SHANK2: variants seen among roughly 807,000 people sequenced by gnomAD.
SHANK2 encodes SH3 and multiple ankyrin repeat domains 2.
Under a neutral mutation model 133.7 loss-of-function variants are expected in SHANK2, and 43 were observed. The ratio of observed to expected loss-of-function variants is 0.32; its 90% CI spans 0.25 to 0.41. The LOEUF (loss-of-function observed/expected upper bound fraction) is 0.41. SHANK2 is among the 10% of genes least tolerant of loss of function. The pLI, the probability that SHANK2 is intolerant of heterozygous loss-of-function variation, is 1.00. For missense variants in SHANK2, 1,994 were observed against 2,235.8 expected (o/e 0.89, Z 2.18); for synonymous variants, 1,017 against 952.8 (o/e 1.07, Z -1.24).
At chr11:70,712,477 G>A (rs1945809963) in intron 14 of SHANK2, among the ~76,000 whole-genome samples, 1 of 152,190 alleles carries the variant, frequency 6.6e-6, no homozygotes, top group Non-Finnish European at 1.5e-5. Context: ...GCTGTGCTCT[G>A]AAAACTGTTT....
At chr11:70,744,861 G>A (rs1555035633) in intron 14 of SHANK2, among the ~76,000 whole-genome samples, 1 of 152,194 alleles carries the variant, frequency 6.6e-6, no homozygotes, top group East Asian at 1.9e-4. Flanking sequence ...GCCACCTCTT[G>A]AGCGATAAGC....
intron 14 of SHANK2, among the ~76,000 whole-genome samples, chr11:70,709,653 G>A (rs1373065072): frequency 1.3e-5 from 2 of 152,252 alleles, no homozygotes; most frequent in African/African-American, 4.8e-5. Flanking sequence ...CTGAGGCAGA[G>A]CATAGTTAAG....
At chr11:70,497,994 C>T (rs1345097635) in intron 21 of SHANK2, among the ~76,000 whole-genome samples, 2 of 152,268 alleles carry the variant, frequency 1.3e-5, no homozygotes, top group Admixed American at 1.3e-4. Flanking sequence ...GTTGACTCTT[C>T]AGAACCTTCT....
chr11:70,598,108 G>T (rs1794423167), intron 17 of SHANK2, among the ~76,000 whole-genome samples: 1 of 152,226 alleles, frequency 6.6e-6, no homozygotes, highest in South Asian at 2.1e-4. Context: ...GCCATGCGCT[G>T]GAGTCCAGAG....
chr11:70,610,162 C>A (rs1314117345), intron 17 of SHANK2, among the ~76,000 whole-genome samples: 1 of 151,604 alleles, frequency 6.6e-6, no homozygotes, highest in Non-Finnish European at 1.5e-5. Context: ...TGAATTATTC[C>A]CCCTTTAAAT....
intron 1 of SHANK2, among the ~76,000 whole-genome samples, chr11:71,229,215 G>A (rs1555122648): frequency 1.5e-4 from 23 of 152,188 alleles, no homozygotes; most frequent in Non-Finnish European, 1.5e-5. Context: ...ACATAGAGCT[G>A]GATGTTCTAG....
chr11:70,876,611 G>A (rs200602624), intron 11 of SHANK2, among the ~76,000 whole-genome samples: 47 of 132,818 alleles, frequency 3.5e-4, no homozygotes, highest in Non-Finnish European at 5.2e-4. Context: ...ACACACACAC[G>A]CACACACACA....
chr11:70,489,407 C>T (rs982272615), intron 23 of SHANK2, 59 bp from the exon 24 acceptor site: 8 of 1,580,148 alleles, frequency 5.1e-6, no homozygotes, highest in Non-Finnish European at 7.0e-6. Flanking sequence ...ACGCAGCTTT[C>T]CCTGAGTTTG....
At chr11:71,079,485 G>C (rs1169749684) in intron 8 of SHANK2, among the ~76,000 whole-genome samples, 1 of 152,178 alleles carries the variant, frequency 6.6e-6, no homozygotes, top group African/African-American at 2.4e-5. Flanking sequence ...AATAGGCCAG[G>C]TGTGGTGGCT....
At chr11:71,099,050 A>T (rs1951674915) in intron 6 of SHANK2, among the ~76,000 whole-genome samples, 1 of 152,112 alleles carries the variant, frequency 6.6e-6, no homozygotes, top group Non-Finnish European at 1.5e-5. Context: ...CTTCCTCCTC[A>T]CACCCACAGC....
intron 11 of SHANK2, among the ~76,000 whole-genome samples, chr11:70,881,429 A>G (rs1439795798): frequency 1.3e-5 from 2 of 151,908 alleles, no homozygotes; most frequent in Non-Finnish European, 2.9e-5. Flanking sequence ...ACAATGGCTA[A>G]TGGGGTTGGT....
chr11:70,493,170 TTTG>T (rs2058920456), intron 21 of SHANK2, among the ~76,000 whole-genome samples: 1 of 151,326 alleles, frequency 6.6e-6, no homozygotes. Flanking sequence ...AGTTTTTTTT[TTTG>T]TTTGTTTTTG....
chr11:71,116,296 C>T (rs1480002751), intron 4 of SHANK2, among the ~76,000 whole-genome samples: 2 of 152,212 alleles, frequency 1.3e-5, no homozygotes. Context: ...TGAGTGCAAT[C>T]GCTGAATGAT....
intron 24 of SHANK2, among the ~76,000 whole-genome samples, chr11:70,488,857 G>T (rs753109445): frequency 6.6e-5 from 10 of 152,242 alleles, no homozygotes; most frequent in Admixed American, 6.5e-5. Flanking sequence ...ACGACAGCCA[G>T]CAGGGTGGCC....
chr11:71,171,051 C>T (rs1053237667), intron 2 of SHANK2, among the ~76,000 whole-genome samples: 9 of 152,186 alleles, frequency 5.9e-5, no homozygotes, highest in Non-Finnish European at 7.3e-5. Context: ...GGCTCGTAGA[C>T]GGCCAACTTC....
chr11:71,088,146 G>T lies in SHANK2; in HGVS notation c.912+4276C>A, dbSNP rs1042012940. Among the ~76,000 whole-genome samples the T allele has an allele frequency of 3.0e-4, 45 of 152,238 alleles. No individual in the cohort carries two copies. The East Asian group carries it at 7.3e-3, about 25-fold the overall frequency. On this transcript the variant is annotated intron_variant, in intron 8 of 25. Transcript: ENST00000601538. ...AGGCCTCAAGAGAAAAAAGACTGAGGTCCCCTGAGGAGGAAGAGATTCTGC... is the reference window on the plus strand; with the variant it reads ...AGGCCTCAAGAGAAAAAAGACTGAGTTCCCCTGAGGAGGAAGAGATTCTGC...
At chr11:70,902,058 G>A (rs537298610) in intron 10 of SHANK2, among the ~76,000 whole-genome samples, 6 of 152,324 alleles carry the variant, frequency 3.9e-5, no homozygotes, top group South Asian at 2.1e-4. Flanking sequence ...TCCATGGCCC[G>A]GGGCCCGGCT....
intron 11 of SHANK2, among the ~76,000 whole-genome samples, chr11:70,848,949 G>A (rs1949041692): frequency 6.6e-6 from 1 of 152,190 alleles, no homozygotes; most frequent in Non-Finnish European, 1.5e-5. Flanking sequence ...GGGCCTCTGA[G>A]TGGGTGAAGG....
intron 25 of SHANK2, among the ~76,000 whole-genome samples, chr11:70,478,921 C>T (rs2058698403): frequency 6.6e-6 from 1 of 152,198 alleles, no homozygotes; most frequent in Non-Finnish European, 1.5e-5. Context: ...GGTCTTCAGG[C>T]CAGGAGGTTC....
Sources: allele counts gnomAD v4.1 joint callset (sites outside exome capture counted in the v4.1 genomes callset), GRCh38; gene constraint gnomAD v4.1.1; transcripts MANE v1.5; gene names NCBI Gene and HGNC (gene_info 2026-07-23, HGNC 2026-07-21).